Variants in ACAD11 observed in about 807,000 individuals in gnomAD.
ACAD11 encodes the protein acyl-CoA dehydrogenase family member 11.
In ACAD11, 83 loss-of-function variants were observed where a neutral mutation model predicts 102.2. The observed-to-expected ratio is 0.81, with a 90% confidence interval of 0.68 to 0.97. The LOEUF is 0.97. ACAD11 is among the 50% of genes least tolerant of loss of function. ACAD11 has a pLI of 0.00. For synonymous variants in ACAD11, 324 were observed against 319.8 expected (o/e 1.01, Z -0.14); for missense variants, 901 against 951.7 (o/e 0.95, Z 0.70).
chr3:132,565,613 C>T (rs572845959), intron 17 of ACAD11, among the ~76,000 whole-genome samples: 7 of 152,224 alleles, frequency 4.6e-5, no homozygotes, highest in African/African-American at 1.2e-4. Context: ...AAAGAGACAC[C>T]GTGATATAGT....
intron 13 of ACAD11, among the ~76,000 whole-genome samples, chr3:132,592,000 C>A (rs576911913): frequency 9.9e-4 from 151 of 152,164 alleles, no homozygotes; most frequent in Admixed American, 3.1e-3. Context: ...GCAAATAATT[C>A]TTTGATTCTG....
rs1393825182 is a variant in ACAD11, at chr3:132,559,738, G to A, written c.2228+95C>T. ...ACTTCATTTAGCCTTCAATTACACTGAAAATAAACATAAGCAATTAATGTC... is the reference window on the plus strand; with the variant it reads ...ACTTCATTTAGCCTTCAATTACACTAAAAATAAACATAAGCAATTAATGTC... On this transcript the variant is annotated intron_variant, in intron 19 of 19. Coordinates refer to ENST00000264990, the MANE Select transcript of ACAD11 (RefSeq NM_032169.5). 5 of 976,842 alleles carry A rather than the reference G, an allele frequency of 5.1e-6. No individual in the cohort carries two copies. The African/African-American group carries it at 8.2e-5, about 16-fold the overall frequency. 60.5% of individuals were successfully genotyped at this position (976,842 alleles called of 1,614,324 possible).
chr3:132,642,229 T>A, intron 3 of ACAD11, 96 bp from the exon 4 acceptor site: 1 of 1,205,040 alleles, frequency 8.3e-7, no homozygotes, highest in Non-Finnish European at 1.2e-6. Context: ...ATATTTAATA[T>A]TAGAGTATAC....
At position 132,559,794 on chromosome 3, in the gene ACAD11, C is replaced by T. The variant is rs1283765972; in HGVS notation, c.2228+39G>A. Reference sequence around the variant, plus strand: ...ATCTGTAGATTTTTTACCTCCACGCCTATCAAACGTAGATGATTCTTAAAT... The same window carrying T: ...ATCTGTAGATTTTTTACCTCCACGCTTATCAAACGTAGATGATTCTTAAAT... On this transcript the variant is annotated intron_variant, in intron 19 of 19. Coordinates refer to ENST00000264990, the MANE Select transcript of ACAD11 (RefSeq NM_032169.5). 7.1e-6 allele frequency: 11 copies of T among 1,542,250 alleles called. No homozygotes were observed. The Admixed American group carries it at 1.9e-4, about 27-fold the overall frequency.
intron 13 of ACAD11, among the ~76,000 whole-genome samples, chr3:132,589,572 C>T (rs1489037935): frequency 6.6e-6 from 1 of 152,176 alleles, no homozygotes; most frequent in African/African-American, 2.4e-5. Flanking sequence ...TAGATGCCTA[C>T]AGGCTGAAGG....
At chr3:132,651,400 A>G (rs1283443402) in intron 1 of ACAD11, among the ~76,000 whole-genome samples, 2 of 152,214 alleles carry the variant, frequency 1.3e-5, no homozygotes, top group African/African-American at 4.8e-5. Flanking sequence ...TTTAACATTT[A>G]GGCCCATCAG....
At chr3:132,643,706 C>T (rs544555082) in intron 2 of ACAD11, among the ~76,000 whole-genome samples, 4 of 152,022 alleles carry the variant, frequency 2.6e-5, no homozygotes, top group South Asian at 2.1e-4. Context: ...GAAGTGTTAA[C>T]CACTCAGGTG....
At chr3:132,602,646 A>C (rs1246974980) in intron 13 of ACAD11, among the ~76,000 whole-genome samples, 1 of 152,222 alleles carries the variant, frequency 6.6e-6, no homozygotes, top group Non-Finnish European at 1.5e-5. Context: ...GGTCAAAAAT[A>C]GTATGCACTA....
intron 12 of ACAD11, among the ~76,000 whole-genome samples, chr3:132,603,735 G>A (rs958431067): frequency 1.3e-5 from 2 of 152,190 alleles, no homozygotes; most frequent in African/African-American, 4.8e-5. Flanking sequence ...TTTCTAATGT[G>A]CCTTGCAAAT....
intron 16 of ACAD11, among the ~76,000 whole-genome samples, chr3:132,576,617 A>G (rs1259770505): frequency 6.6e-6 from 1 of 152,234 alleles, no homozygotes; most frequent in Non-Finnish European, 1.5e-5. Flanking sequence ...TTGATGTGAT[A>G]TAGAAAACCA....
chr3:132,572,906 A>C (rs1417213936), intron 17 of ACAD11, among the ~76,000 whole-genome samples: 2 of 151,916 alleles, frequency 1.3e-5, no homozygotes, highest in Non-Finnish European at 2.9e-5. Context: ...TTGTCCTTTT[A>C]TTTTCCTTTC....
chr3:132,581,804 A>C (rs1937602609), intron 13 of ACAD11, among the ~76,000 whole-genome samples: 1 of 149,536 alleles, frequency 6.7e-6, no homozygotes. Flanking sequence ...ATATTGCATC[A>C]GTTACAGAAG....
intron 13 of ACAD11, among the ~76,000 whole-genome samples, chr3:132,598,727 G>C (rs1167733777): frequency 6.6e-6 from 1 of 152,216 alleles, no homozygotes; most frequent in Non-Finnish European, 1.5e-5. Flanking sequence ...GCTGCATGGT[G>C]GGTGCCAGCC....
intron 13 of ACAD11, among the ~76,000 whole-genome samples, chr3:132,591,211 T>C (rs951298142): frequency 6.6e-6 from 1 of 152,190 alleles, no homozygotes; most frequent in African/African-American, 2.4e-5. Context: ...CCAGCTTCAA[T>C]CTTCTGCATA....
chr3:132,644,946 G>A (rs750525826), intron 1 of ACAD11, 50 bp from the exon 2 acceptor site: 47 of 1,117,822 alleles, frequency 4.2e-5, no homozygotes, highest in East Asian at 1.7e-4. Context: ...TATGTTTTCC[G>A]TCATCCCCAA....
chr3:132,626,764 T>C lies in ACAD11; in HGVS notation c.1124A>G (p.Gln375Arg), dbSNP rs1939830029. 6.2e-7 allele frequency: 1 copy of C among 1,613,878 alleles called. No homozygotes were observed. The highest frequency in any genetic ancestry group is 8.5e-7 in the Non-Finnish European group (1 of 1,179,950). ...QIDTTGQLFV[Q>R]TRKGQEVLIK... ...AAGAACTTCCTGACCTTTCCGAGTC[T>C]GTACAAACAACTGTCCAGTAGTATC... The change falls in exon 9 of 20, where the codon CAG becomes CGG. Residue 375 changes from glutamine to arginine, a missense_variant. Gln to Arg is a conservative substitution (Grantham distance 43). Transcript: ENST00000264990.
chr3:132,631,449 G>A lies in ACAD11; in HGVS notation c.733C>T (p.Leu245=). ...GACAAAGGATGACCAATGGTTGACA[G>A]CTCCCAATCCAGCACTGCTATAACT... ...CRVIAVLDWE[L]STIGHPLSDL... Residue 245 remains leucine (L), a synonymous_variant, in exon 6 of 20, where the codon CTG becomes TTG. Transcript: ENST00000264990. 1.9e-6 allele frequency: 3 copies of A among 1,545,700 alleles called. No individual in the cohort carries two copies. Among genetic ancestry groups the A allele is most frequent in the African/African-American group, 1.4e-5 (1 of 72,782 alleles).
In ACAD11 at chr3:132,618,674, T is replaced by C. The variant is rs781020332; in HGVS notation, c.1374A>G (p.Lys458=). 6.2e-7 allele frequency: 1 copy of C among 1,607,076 alleles called. No individual in the cohort carries two copies. Among genetic ancestry groups the C allele is most frequent in the South Asian group, 1.1e-5 (1 of 89,958 alleles). Residue 458 remains lysine (K), a synonymous_variant, in exon 11 of 20, where the codon AAA becomes AAG. Transcript: ENST00000264990. ...TAAAGACATCTGGAGCAAAAAAGCATTTTCCTGTTTCTTCAGCAATCAAGG... is the reference window on the plus strand; with the variant it reads ...TAAAGACATCTGGAGCAAAAAAGCACTTTCCTGTTTCTTCAGCAATCAAGG... ...DYALIAEETG[K]CFFAPDVFNC... is the part of the protein sequence containing the mutation.
At chr3:132,649,415 T>C (rs908461508) in intron 1 of ACAD11, among the ~76,000 whole-genome samples, 17 of 152,336 alleles carry the variant, frequency 1.1e-4, no homozygotes, top group African/African-American at 3.8e-4. Flanking sequence ...GCTGCTCTGT[T>C]ACTCTTTACT....
Sources: allele counts gnomAD v4.1 joint callset (sites outside exome capture counted in the v4.1 genomes callset), GRCh38; gene constraint gnomAD v4.1.1; transcripts MANE v1.5; gene names NCBI Gene and HGNC (gene_info 2026-07-23, HGNC 2026-07-21).